Variants in CLMP observed in about 807,000 individuals in gnomAD.
CLMP encodes CXADR-like membrane protein.
CLMP carries 27 observed loss-of-function variants against 45.2 expected under a neutral mutation model. The observed-to-expected ratio is 0.60, with a 90% CI of 0.44 to 0.82. The LOEUF is 0.82. Ranked by LOEUF, CLMP falls within the 40% of genes least tolerant of loss-of-function variation. The probability of loss-of-function intolerance (pLI) is 0.00; values close to 1 mark genes in which losing one functional copy is unlikely to be tolerated. For synonymous variants in CLMP, 167 were observed against 171.4 expected (o/e 0.97, Z 0.20); for missense variants, 403 against 448.4 (o/e 0.90, Z 0.91).
chr11:123,137,165 T>TC (rs1319903673), intron 1 of CLMP, among the ~76,000 whole-genome samples: 1 of 138,670 alleles, frequency 7.2e-6, no homozygotes, highest in Non-Finnish European at 1.6e-5. Context: ...TTTTTTTTTT[T>TC]TTTTTTGAGA....
In CLMP at chr11:123,072,710, TA is replaced by T. The variant is rs1211366388; in HGVS notation, c.*763del. On this transcript the variant is annotated 3_prime_UTR_variant, in exon 7 of 7. Coordinates refer to ENST00000448775, the MANE Select transcript of CLMP (RefSeq NM_024769.5). ...GGAAATCCACAATTGCTCCATTATA[TA>T]TTTCTAATGTTTGTCAACAATCCTC... The T allele has an allele frequency of 6.6e-6, 1 of 152,236 alleles. No homozygotes were observed. Among genetic ancestry groups the T allele is most frequent in the Non-Finnish European group, 1.5e-5 (1 of 68,038 alleles). The allele number at this position is 152,236 out of a possible 1,614,324, so 9.4% of individuals were successfully genotyped here.
chr11:123,179,962 CA>C (rs1198270627), intron 1 of CLMP, among the ~76,000 whole-genome samples: 6 of 152,220 alleles, frequency 3.9e-5, no homozygotes, highest in African/African-American at 1.4e-4. Flanking sequence ...TCCTAGGCCT[CA>C]CCCTAGACTT....
At chr11:123,156,293 A>T (rs1337612848) in intron 1 of CLMP, among the ~76,000 whole-genome samples, 2 of 152,216 alleles carry the variant, frequency 1.3e-5, no homozygotes, top group African/African-American at 4.8e-5. Flanking sequence ...TCCAGAAAAT[A>T]AATGTCTGTT....
intron 1 of CLMP, among the ~76,000 whole-genome samples, chr11:123,188,198 G>A (rs1235540684): frequency 6.6e-6 from 1 of 152,142 alleles, no homozygotes; most frequent in Non-Finnish European, 1.5e-5. Context: ...TCTAGCAGGC[G>A]CACCCGCTCT....
chr11:123,155,959 A>C (rs755509912), intron 1 of CLMP, among the ~76,000 whole-genome samples: 2 of 152,200 alleles, frequency 1.3e-5, no homozygotes, highest in Non-Finnish European at 2.9e-5. Flanking sequence ...AAACCTGTAA[A>C]TATACCATCT....
intron 2 of CLMP, among the ~76,000 whole-genome samples, chr11:123,095,778 T>G (rs1355612576): frequency 6.6e-6 from 1 of 152,090 alleles, no homozygotes; most frequent in Admixed American, 6.6e-5. Flanking sequence ...GATAGGATTA[T>G]TATTGTAGGC....
chr11:123,101,607 A>G (rs1235813871), intron 1 of CLMP, among the ~76,000 whole-genome samples: 1 of 152,228 alleles, frequency 6.6e-6, no homozygotes, highest in African/African-American at 2.4e-5. Flanking sequence ...CCTCAGAGGC[A>G]TCTGAAACGG....
intron 1 of CLMP, among the ~76,000 whole-genome samples, chr11:123,155,872 A>G (rs1396812965): frequency 1.3e-5 from 2 of 152,208 alleles, no homozygotes; most frequent in Non-Finnish European, 2.9e-5. Flanking sequence ...GAAGCCAGGT[A>G]CCATGGCATG....
intron 1 of CLMP, among the ~76,000 whole-genome samples, chr11:123,160,629 C>A (rs1387480211): frequency 6.6e-6 from 1 of 152,140 alleles, no homozygotes; most frequent in Non-Finnish European, 1.5e-5. Flanking sequence ...TTTCCATTCT[C>A]TTCCTTTTGA....
intron 2 of CLMP, among the ~76,000 whole-genome samples, chr11:123,092,455 G>A (rs1007926539): frequency 2.8e-4 from 42 of 151,706 alleles, no homozygotes; most frequent in African/African-American, 9.9e-4. Flanking sequence ...ACACCACCAC[G>A]CCCGGCTAAT....
At chr11:123,107,534 A>ATTTTTTTTTTTTTT (rs370750162) in intron 1 of CLMP, among the ~76,000 whole-genome samples, 3,539 of 122,682 alleles carry the variant, frequency 0.029, 140 homozygotes, top group East Asian at 0.047. Flanking sequence ...CCTGACCTAA[A>ATTTTTTTTTTTTTT]TTTTTTTTTT....
chr11:123,181,309 C>G (rs1861766678), intron 1 of CLMP, among the ~76,000 whole-genome samples: 1 of 152,194 alleles, frequency 6.6e-6, no homozygotes, highest in African/African-American at 2.4e-5. Context: ...TCACAACTGT[C>G]TCCACCTCAT....
chr11:123,077,360 T>C (rs1443075036), intron 5 of CLMP, among the ~76,000 whole-genome samples: 2 of 151,796 alleles, frequency 1.3e-5, no homozygotes, highest in Non-Finnish European at 2.9e-5. Context: ...AGACAGAGTT[T>C]TGCTCTTGTT....
At chr11:123,160,279 CAAAA>C (rs67087501) in intron 1 of CLMP, among the ~76,000 whole-genome samples, 3 of 46,672 alleles carry the variant, frequency 6.4e-5, no homozygotes, top group Admixed American at 3.6e-4. Flanking sequence ...GACTCTGTCT[CAAAA>C]AAAAAAAAAA....
At chr11:123,085,010 C>T (rs1477541308) in intron 2 of CLMP, among the ~76,000 whole-genome samples, 1 of 152,114 alleles carries the variant, frequency 6.6e-6, no homozygotes, top group Non-Finnish European at 1.5e-5. Context: ...TGAAGTTTGA[C>T]TTACATACTG....
At chr11:123,088,370 G>A (rs1460275043) in intron 2 of CLMP, among the ~76,000 whole-genome samples, 3 of 152,226 alleles carry the variant, frequency 2.0e-5, no homozygotes, top group Non-Finnish European at 2.9e-5. Context: ...TACACCTGGA[G>A]ATAAGGCAGG....
At chr11:123,096,613 T>C (rs947834263) in intron 2 of CLMP, among the ~76,000 whole-genome samples, 1 of 152,172 alleles carries the variant, frequency 6.6e-6, no homozygotes, top group East Asian at 1.9e-4. Context: ...GATGTTGCTG[T>C]ATGAGAACAA....
chr11:123,124,270 C>T (rs936121431), intron 1 of CLMP, among the ~76,000 whole-genome samples: 2 of 152,246 alleles, frequency 1.3e-5, no homozygotes, highest in African/African-American at 4.8e-5. Flanking sequence ...CTTGCTTTGG[C>T]CTCCCAAAGT....
intron 4 of CLMP, 94 bp downstream of exon 4, chr11:123,083,586 A>G (rs1452082870): frequency 2.4e-6 from 3 of 1,253,062 alleles, no homozygotes; most frequent in Non-Finnish European, 3.5e-6. Context: ...AGGGTATTTC[A>G]GGTCACATAG....
Sources: gnomAD v4.1 joint callset for allele counts (sites outside exome capture counted in the v4.1 genomes callset) on GRCh38, gnomAD v4.1.1 for gene constraint, MANE v1.5 for transcripts, NCBI Gene and HGNC (gene_info 2026-07-23, HGNC 2026-07-21) for gene names.